Variants in LARGE1 observed in about 807,000 individuals in gnomAD.
LARGE1 encodes xylosyl- and glucuronyltransferase LARGE1.
A neutral mutation model predicts 87.6 loss-of-function variants in LARGE1; 43 were observed. That is an observed-to-expected ratio of 0.49 (90% CI 0.38 to 0.63). The LOEUF (loss-of-function observed/expected upper bound fraction) is 0.63. Among genes scored for constraint, LARGE1 ranks in the 30% least tolerant of loss-of-function variants. The probability of loss-of-function intolerance (pLI) is 0.00; values close to 1 mark genes in which losing one functional copy is unlikely to be tolerated. For missense variants in LARGE1, 802 were observed against 1,000.2 expected, an observed-to-expected ratio of 0.80 and a Z score of 2.67; for synonymous variants, 434 against 394.6, an observed-to-expected ratio of 1.10 and a Z score of -1.18.
At chr22:33,110,481 A>G in the LARGE1 span, 2 of 152,210 alleles carry the variant, frequency 1.3e-5, no homozygotes, top group East Asian at 3.9e-4. Context: ...GTGTGTGGAT[A>G]TGAGTTCTGG....
At chr22:33,838,290 C>G (rs2063167296) in intron 1 of LARGE1, among the ~76,000 whole-genome samples, 1 of 152,170 alleles carries the variant, frequency 6.6e-6, no homozygotes, top group Non-Finnish European at 1.5e-5. Flanking sequence ...CTGCTGAAAT[C>G]TCGTCTATTC....
chr22:33,836,852 TGTAA>T (rs1568973174), intron 1 of LARGE1, among the ~76,000 whole-genome samples: 1 of 150,540 alleles, frequency 6.6e-6, no homozygotes, highest in Non-Finnish European at 1.5e-5. Flanking sequence ...CCTGGAACAC[TGTAA>T]GTACCAACTA....
intron 10 of LARGE1, among the ~76,000 whole-genome samples, chr22:33,328,751 A>G (rs1937460907): frequency 6.6e-6 from 1 of 152,146 alleles, no homozygotes; most frequent in Non-Finnish European, 1.5e-5. Flanking sequence ...ACTTACTATT[A>G]CATTAATATG....
At chr22:33,680,190 T>C (rs535137770) in intron 2 of LARGE1, among the ~76,000 whole-genome samples, 2 of 152,268 alleles carry the variant, frequency 1.3e-5, no homozygotes, top group Admixed American at 6.5e-5. Flanking sequence ...CCCTAAGTAA[T>C]GGCAGTAAGT....
intron 11 of LARGE1, among the ~76,000 whole-genome samples, chr22:33,233,866 C>G (rs1319408216): frequency 2.0e-5 from 3 of 152,198 alleles, no homozygotes. Context: ...CTCTCTGCAT[C>G]CATCTTCAAT....
intron 12 of LARGE1, among the ~76,000 whole-genome samples, chr22:33,293,576 CTTT>C (rs954472245): frequency 9.9e-5 from 15 of 152,234 alleles, no homozygotes; most frequent in African/African-American, 3.4e-4. Flanking sequence ...AAATGAACTT[CTTT>C]GAGTTCATGG....
chr22:33,567,143 C>G (rs941096943), intron 5 of LARGE1, among the ~76,000 whole-genome samples: 1 of 152,154 alleles, frequency 6.6e-6, no homozygotes, highest in Non-Finnish European at 1.5e-5. Context: ...GCATGGGGAA[C>G]CTGTCTCATA....
At chr22:33,487,030 G>A (rs1446439510) in intron 6 of LARGE1, among the ~76,000 whole-genome samples, 1 of 152,156 alleles carries the variant, frequency 6.6e-6, no homozygotes, top group Non-Finnish European at 1.5e-5. Context: ...CATTCGCTCT[G>A]GATGAGTGAC....
chr22:33,418,521 T>C (rs866242556), intron 7 of LARGE1, among the ~76,000 whole-genome samples: 1 of 152,070 alleles, frequency 6.6e-6, no homozygotes, highest in African/African-American at 2.4e-5. Flanking sequence ...AGTAAAGGGA[T>C]GGAGACTGCC....
At chr22:33,376,194 A>T (rs2064987136) in intron 9 of LARGE1, among the ~76,000 whole-genome samples, 1 of 152,226 alleles carries the variant, frequency 6.6e-6, no homozygotes, top group South Asian at 2.1e-4. Flanking sequence ...TGATTTAAAG[A>T]AAAAAATGCG....
chr22:33,316,922 T>A (rs933220526), intron 10 of LARGE1, among the ~76,000 whole-genome samples: 2 of 151,686 alleles, frequency 1.3e-5, no homozygotes, highest in Non-Finnish European at 2.9e-5. Context: ...TCAAATAACA[T>A]GGGAAAATGG....
chr22:33,586,942 TA>T (rs2078695758), intron 5 of LARGE1, among the ~76,000 whole-genome samples: 1 of 152,222 alleles, frequency 6.6e-6, no homozygotes, highest in Non-Finnish European at 1.5e-5. Context: ...AGAGGTAACA[TA>T]TTAAACACTG....
chr22:33,698,284 G>C (rs1201431244), intron 2 of LARGE1, among the ~76,000 whole-genome samples: 2 of 147,644 alleles, frequency 1.4e-5, no homozygotes, highest in African/African-American at 5.1e-5. Flanking sequence ...ATGTTGGCCA[G>C]GCTGGTCTTG....
At chr22:33,561,951 C>T (rs1451415290) in intron 6 of LARGE1, among the ~76,000 whole-genome samples, 3 of 152,178 alleles carry the variant, frequency 2.0e-5, no homozygotes, top group African/African-American at 4.8e-5. Context: ...AGGAATCAAG[C>T]GCAATCTGAC....
intron 6 of LARGE1, among the ~76,000 whole-genome samples, chr22:33,503,043 A>G (rs2070554625): frequency 6.6e-6 from 1 of 152,226 alleles, no homozygotes; most frequent in Admixed American, 6.5e-5. Flanking sequence ...CGAATCAGGT[A>G]TGCTTCAGAA....
chr22:33,089,385 T>TTC, the LARGE1 span, among the ~76,000 whole-genome samples: 2 of 144,098 alleles, frequency 1.4e-5, no homozygotes, highest in Admixed American at 7.0e-5. Context: ...CTTCTTCTTC[T>TTC]TCCTCTTCTT....
chr22:33,375,667 A>G (rs1472093117), intron 9 of LARGE1, among the ~76,000 whole-genome samples: 1 of 152,234 alleles, frequency 6.6e-6, no homozygotes, highest in Non-Finnish European at 1.5e-5. Flanking sequence ...GTGCAGGAAC[A>G]TTAGGACTGT....
chr22:33,900,883 C>T (rs527705272), intron 1 of LARGE1, among the ~76,000 whole-genome samples: 83 of 152,208 alleles, frequency 5.5e-4, no homozygotes, highest in Non-Finnish European at 1.0e-3. Flanking sequence ...CCCGTCTCTA[C>T]TAAAAATACA....
rs559809608 is a variant in LARGE1 at position 33,845,407 on chromosome 22, C to T, written c.-83+74588G>A. Among the ~76,000 whole-genome samples, 4 of 152,282 alleles carry T rather than the reference C, an allele frequency of 2.6e-5. No individual in the cohort carries two copies. The East Asian group carries it at 7.8e-4, about 30-fold the overall frequency. The stretch of plus-strand genomic sequence containing the variant: ...CACCGCAACCTCTACCTCCTGGGTT[C>T]AGGCGATTCTCCTGCCTAAGCCTCC... On this transcript the variant is annotated intron_variant, in intron 1 of 14. Coordinates refer to ENST00000397394, the MANE Select transcript of LARGE1 (RefSeq NM_133642.5).
Sources: gnomAD v4.1 joint callset for allele counts (sites outside exome capture counted in the v4.1 genomes callset) on GRCh38, gnomAD v4.1.1 for gene constraint, MANE v1.5 for transcripts, NCBI Gene and HGNC (gene_info 2026-07-23, HGNC 2026-07-21) for gene names.